GOLGA8A: variants seen among roughly 807,000 people sequenced by gnomAD.
GOLGA8A encodes golgin subfamily A member 8A.
In GOLGA8A, 3 loss-of-function variants were observed where a neutral mutation model predicts 22.1. The observed-to-expected ratio is 0.14, with a 90% confidence interval of 0.06 to 0.35. The LOEUF (loss-of-function observed/expected upper bound fraction) is 0.35. GOLGA8A is among the 10% of genes least tolerant of loss of function. GOLGA8A has a pLI of 1.00. For missense variants in GOLGA8A, 16 were observed against 233.2 expected (o/e 0.07, Z 6.07); for synonymous variants, 7 against 91.7 (o/e 0.08, Z 5.28).
intron 2 of GOLGA8A, among the ~76,000 whole-genome samples, chr15:34,430,611 AGAG>A (rs1893184178): frequency 6.7e-6 from 1 of 149,488 alleles, no homozygotes; most frequent in Admixed American, 6.7e-5. Context: ...AGAATCAGTT[AGAG>A]GCTGGAGGTA....
intron 2 of GOLGA8A, chr15:34,418,304 C>T (rs1287340518): frequency 7.2e-6 from 1 of 138,680 alleles, no homozygotes; most frequent in Non-Finnish European, 1.6e-5. Flanking sequence ...GAGTCTAGGC[C>T]AGTTGTCAGT....
chr15:34,400,350 AGC>A (rs1265633888), intron 6 of GOLGA8A, among the ~76,000 whole-genome samples: 1 of 135,436 alleles, frequency 7.4e-6, no homozygotes, highest in African/African-American at 2.7e-5. Context: ...CCTCCCACGA[AGC>A]GGGGGTTACA....
intron 2 of GOLGA8A, chr15:34,418,603 T>C: frequency 6.8e-6 from 1 of 147,038 alleles, no homozygotes; most frequent in Non-Finnish European, 1.5e-5. Context: ...GAGGACTTCC[T>C]GTGTCATGCC....
rs1454735589 is a variant in GOLGA8A, at chr15:34,379,503, A to G, written c.*1908T>C. The stretch of plus-strand genomic sequence containing the variant: ...TGTAATACATTGATAAATTCATACA[A>G]TTTGGAAGAGTCAGTTGAAGTTACA... On this transcript the variant is annotated 3_prime_UTR_variant, in exon 25 of 25. Coordinates refer to ENST00000359187, the MANE Select transcript of GOLGA8A (RefSeq NM_181077.5). 1 of 152,652 alleles carries G rather than the reference A, an allele frequency of 6.6e-6. No individual in the cohort carries two copies. Among genetic ancestry groups the G allele is most frequent in the Non-Finnish European group, 1.5e-5 (1 of 68,042 alleles). The allele number at this position is 152,652 out of a possible 1,614,324, so 9.5% of individuals were successfully genotyped here. A position where few individuals can be genotyped will look rare whatever the true frequency, so the allele number is the denominator to read the frequency against.
chr15:34,421,541 C>G (rs567983813), intron 2 of GOLGA8A, among the ~76,000 whole-genome samples: 2 of 142,782 alleles, frequency 1.4e-5, no homozygotes, highest in African/African-American at 2.6e-5. Context: ...ACAGATTACT[C>G]GTTTTCAAGC....
At chr15:34,431,337 A>ATCTCTCTC (rs1385683475) in intron 2 of GOLGA8A, among the ~76,000 whole-genome samples, 14 of 99,284 alleles carry the variant, frequency 1.4e-4, no homozygotes, top group Admixed American at 7.2e-4. Flanking sequence ...ATATATATAT[A>ATCTCTCTC]TATATATATC....
intron 2 of GOLGA8A, among the ~76,000 whole-genome samples, chr15:34,425,530 G>T (rs2644233): frequency 0.84 from 120,231 of 143,146 alleles, 52,204 homozygotes; most frequent in Non-Finnish European, 0.93. Flanking sequence ...TTAGGGTACA[G>T]AAACCCATTC....
chr15:34,434,758 T>C (rs1874377), intron 2 of GOLGA8A, among the ~76,000 whole-genome samples: 118,606 of 148,544 alleles, frequency 0.8, 49,898 homozygotes, highest in East Asian at 0.99. Flanking sequence ...GACCTACATC[T>C]GGGAGGCCTG....
chr15:34,418,750 C>G (rs1275178158), intron 2 of GOLGA8A: 1 of 146,812 alleles, frequency 6.8e-6, no homozygotes, highest in African/African-American at 2.5e-5. Flanking sequence ...GCTGGAAAAC[C>G]GGGAGCAGGA....
At chr15:34,431,337 A>C (rs1343287363) in intron 2 of GOLGA8A, among the ~76,000 whole-genome samples, 6,005 of 98,910 alleles carry the variant, frequency 0.061, 763 homozygotes, top group African/African-American at 0.21. Context: ...ATATATATAT[A>C]TATATATATC....
rs73376078 is a variant in GOLGA8A, at chr15:34,429,847, G to A, written c.-1123+5536C>T. 6.7e-5 allele frequency among the ~76,000 whole-genome samples: 10 copies of A among 148,242 alleles called. 1 individual carries two copies. Among genetic ancestry groups the A allele is most frequent in the Admixed American group, 2.7e-4 (4 of 14,596 alleles). ...GTCAAAGGACTGAGAGGTGAATGAC[G>A]GGCAAGGTGAGACCTACCAGGTTAG... On this transcript the variant is annotated intron_variant, in intron 2 of 24. Coordinates refer to ENST00000359187, the MANE Select transcript of GOLGA8A (RefSeq NM_181077.5).
At chr15:34,426,361 A>G (rs1193747508) in intron 2 of GOLGA8A, among the ~76,000 whole-genome samples, 3 of 148,468 alleles carry the variant, frequency 2.0e-5, no homozygotes, top group Non-Finnish European at 4.5e-5. Context: ...ATACTTTTAA[A>G]ATATGTATGT....
chr15:34,434,013 T>C (rs1025667755), intron 2 of GOLGA8A, among the ~76,000 whole-genome samples: 7 of 147,854 alleles, frequency 4.7e-5, no homozygotes, highest in Non-Finnish European at 9.0e-5. Context: ...GAGGCAAGAG[T>C]GGCCTGGCAA....
At chr15:34,436,456 G>T (rs1893517278) in intron 1 of GOLGA8A, among the ~76,000 whole-genome samples, 1 of 149,542 alleles carries the variant, frequency 6.7e-6, no homozygotes, top group Non-Finnish European at 1.5e-5. Flanking sequence ...TTTACGTCTG[G>T]TGCCTGCCAG....
rs1893239688 is a variant in GOLGA8A at position 34,431,337 on chromosome 15, ATATATATATC to A, written c.-1123+4036_-1123+4045del. Among the ~76,000 whole-genome samples, 9 of 99,286 alleles carry A rather than the reference ATATATATATC, an allele frequency of 9.1e-5. No homozygotes were observed. In the South Asian group the frequency reaches 4.0e-3, roughly 44 times the overall value. 65.1% of individuals were successfully genotyped at this position (99,286 alleles called of 152,430 possible). ...CATATATATATATATATATATATATATATATATATCTCACACACACACACTCGTGTCACTT... is the reference window on the plus strand; with the variant it reads ...CATATATATATATATATATATATATATCACACACACACACTCGTGTCACTT... On this transcript the variant is annotated intron_variant, in intron 2 of 24. Transcript: ENST00000359187.
intron 2 of GOLGA8A, chr15:34,419,955 G>A (rs1429771921): frequency 7.1e-6 from 1 of 141,752 alleles, no homozygotes. Flanking sequence ...GGGGCTGGGG[G>A]AGGCGGAAAG....
At chr15:34,424,093 G>C (rs1432638437) in intron 2 of GOLGA8A, among the ~76,000 whole-genome samples, 1 of 148,554 alleles carries the variant, frequency 6.7e-6, no homozygotes, top group East Asian at 2.0e-4. Flanking sequence ...GTACCCATGT[G>C]ACAGCCCCCG....
chr15:34,430,227 C>T (rs550532622), intron 2 of GOLGA8A, among the ~76,000 whole-genome samples: 2 of 149,130 alleles, frequency 1.3e-5, no homozygotes, highest in African/African-American at 2.5e-5. Context: ...TCTGGAGGGG[C>T]TTCTGCTCTC....
intron 2 of GOLGA8A, among the ~76,000 whole-genome samples, chr15:34,434,195 G>A (rs78543732): frequency 1.3e-5 from 2 of 149,414 alleles, no homozygotes; most frequent in Non-Finnish European, 3.0e-5. Context: ...TCTTGGGAGC[G>A]AGCGGGGGAA....
Sources: allele counts gnomAD v4.1 joint callset (sites outside exome capture counted in the v4.1 genomes callset), GRCh38; gene constraint gnomAD v4.1.1; transcripts MANE v1.5; gene names NCBI Gene and HGNC (gene_info 2026-07-23, HGNC 2026-07-21).